Variants in MTAP observed in about 807,000 individuals in gnomAD.
MTAP encodes S-methyl-5'-thioadenosine phosphorylase.
In MTAP, 33 loss-of-function variants were observed where a neutral mutation model predicts 33.6. That is an observed-to-expected ratio of 0.98 (90% CI 0.74 to 1.31). MTAP has a LOEUF of 1.31. Among genes scored for constraint, MTAP ranks in the 40% most tolerant of loss-of-function variants. The pLI is 0.00. For synonymous variants in MTAP, 148 were observed against 125.7 expected (o/e 1.18, Z -1.19); for missense variants, 367 against 360.0 (o/e 1.02, Z -0.16).
At chr9:21,829,509 G>A (rs762962891) in intron 4 of MTAP, among the ~76,000 whole-genome samples, 62 of 151,174 alleles carry the variant, frequency 4.1e-4, no homozygotes, top group Non-Finnish European at 8.0e-4. Context: ...CACTGCAAGT[G>A]TGAGCCACTG....
intron 1 of MTAP, among the ~76,000 whole-genome samples, chr9:21,912,916 A>T (rs901558652): frequency 2.0e-5 from 3 of 152,232 alleles, no homozygotes; most frequent in African/African-American, 7.2e-5. Context: ...CGTTAAGCTG[A>T]TAAGCAACTT....
intron 1 of MTAP, among the ~76,000 whole-genome samples, chr9:21,878,933 T>G (rs933255441): frequency 6.6e-6 from 1 of 152,336 alleles, no homozygotes; most frequent in East Asian, 1.9e-4. Context: ...TTTCATATTA[T>G]TTTGGTTCTT....
At chr9:21,861,883 G>A in intron 7 of MTAP, 93 bp from the exon 8 acceptor site, 1 of 851,364 alleles carries the variant, frequency 1.2e-6, no homozygotes, top group Non-Finnish European at 2.0e-6. Flanking sequence ...TCCTCACTTT[G>A]ATCTAGAAAA....
At chr9:21,912,994 CAG>C (rs1024302442) in intron 1 of MTAP, among the ~76,000 whole-genome samples, 1 of 152,130 alleles carries the variant, frequency 6.6e-6, no homozygotes. Flanking sequence ...CAATAACAGA[CAG>C]AGAGCCAAAT....
At chr9:21,841,405 T>C (rs987380737) in intron 5 of MTAP, among the ~76,000 whole-genome samples, 3 of 152,216 alleles carry the variant, frequency 2.0e-5, no homozygotes, top group Non-Finnish European at 4.4e-5. Flanking sequence ...GCCTGCAACA[T>C]CCTGGCTAAC....
intron 1 of MTAP, among the ~76,000 whole-genome samples, chr9:21,890,445 C>G (rs1818182349): frequency 6.6e-6 from 1 of 152,224 alleles, no homozygotes; most frequent in South Asian, 2.1e-4. Context: ...TCTCATTGAT[C>G]TCTCACTTCT....
intron 6 of MTAP, among the ~76,000 whole-genome samples, chr9:21,858,746 G>T (rs941108482): frequency 6.6e-6 from 1 of 152,190 alleles, no homozygotes; most frequent in Non-Finnish European, 1.5e-5. Context: ...GCTTTTCAGA[G>T]ATGTCACTGA....
chr9:21,832,485 C>G (rs993730472), intron 4 of MTAP, among the ~76,000 whole-genome samples: 1 of 152,180 alleles, frequency 6.6e-6, no homozygotes, highest in Non-Finnish European at 1.5e-5. Context: ...ACTCATTTCC[C>G]TCACTCTTTA....
At chr9:21,940,725 G>A (rs1420317150), downstream of MTAP, among the ~76,000 whole-genome samples, 1 of 152,296 alleles carries the variant, frequency 6.6e-6, no homozygotes, top group South Asian at 2.1e-4. Flanking sequence ...GGCAAGGTAT[G>A]GGGGCTCTTT....
chr9:21,867,484 A>T (rs1420199627), downstream of MTAP, among the ~76,000 whole-genome samples: 3 of 152,060 alleles, frequency 2.0e-5, no homozygotes, highest in Non-Finnish European at 1.5e-5. Context: ...TGTTAAACTG[A>T]TCTTGCATTC....
intron 5 of MTAP, among the ~76,000 whole-genome samples, chr9:21,853,742 G>A (rs1825570349): frequency 6.6e-6 from 1 of 152,136 alleles, no homozygotes; most frequent in South Asian, 2.1e-4. Context: ...ATATACCTTA[G>A]TTCATTTAAT....
At chr9:21,816,957 C>T (rs1450505305) in intron 3 of MTAP, among the ~76,000 whole-genome samples, 185 bp downstream of exon 3, 1 of 152,198 alleles carries the variant, frequency 6.6e-6, no homozygotes, top group Non-Finnish European at 1.5e-5. Flanking sequence ...GATCAAAGAT[C>T]TCATGCTCTT....
rs1824642812 is a variant in MTAP, at chr9:21,821,637, CAT to C, written c.347+3437_347+3438del. Among the ~76,000 whole-genome samples the C allele has an allele frequency of 2.6e-5, 4 of 152,106 alleles. No homozygotes were observed. In the South Asian group the frequency reaches 8.3e-4, roughly 32 times the overall value. Reference sequence around the variant, plus strand: ...TTTGGTATCAGGATGATGCTGGCCTCATAAAATGAGTTAGGGAGGATTCCCTC... The same window carrying C: ...TTTGGTATCAGGATGATGCTGGCCTCAAAATGAGTTAGGGAGGATTCCCTC... On this transcript the variant is annotated intron_variant, in intron 4 of 7. Coordinates refer to ENST00000644715, the MANE Select transcript of MTAP (RefSeq NM_002451.4).
intron 1 of MTAP, among the ~76,000 whole-genome samples, chr9:21,905,386 C>A (rs981167291): frequency 1.3e-5 from 2 of 151,720 alleles, no homozygotes; most frequent in African/African-American, 2.4e-5. Flanking sequence ...CTGCCCCCCT[C>A]CCTGTATCAA....
intron 1 of MTAP, among the ~76,000 whole-genome samples, chr9:21,911,799 T>C (rs981622611): frequency 7.3e-5 from 11 of 151,624 alleles, no homozygotes; most frequent in Admixed American, 3.3e-4. Context: ...CTGAAGGAGA[T>C]AGAGACACAA....
intron 1 of MTAP, among the ~76,000 whole-genome samples, chr9:21,895,750 C>T (rs1818281344): frequency 6.6e-6 from 1 of 152,178 alleles, no homozygotes; most frequent in African/African-American, 2.4e-5. Flanking sequence ...AAGGCGGCAG[C>T]GAGGCTGGGG....
chr9:21,873,973 T>C (rs1463320593), intron 1 of MTAP, among the ~76,000 whole-genome samples: 1 of 152,166 alleles, frequency 6.6e-6, no homozygotes. Flanking sequence ...AATAGTGTTA[T>C]CAAACTGTGC....
intron 4 of MTAP, among the ~76,000 whole-genome samples, chr9:21,830,111 A>G (rs1472079569): frequency 3.3e-5 from 5 of 152,220 alleles, no homozygotes; most frequent in Non-Finnish European, 7.3e-5. Context: ...ATTCCATAGC[A>G]ATTAAAGTGA....
chr9:21,902,298 A>G (rs1242847843), intron 1 of MTAP, among the ~76,000 whole-genome samples: 1 of 152,202 alleles, frequency 6.6e-6, no homozygotes, highest in Non-Finnish European at 1.5e-5. Context: ...CCTGTAGCTC[A>G]TGAGTCAGAT....
Sources: allele counts gnomAD v4.1 joint callset (sites outside exome capture counted in the v4.1 genomes callset), GRCh38; gene constraint gnomAD v4.1.1; transcripts MANE v1.5; gene names NCBI Gene and HGNC (gene_info 2026-07-23, HGNC 2026-07-21).